The following CCDC88C variants were observed in gnomAD, a reference collection of about 807,000 sequenced individuals.
CCDC88C encodes the protein protein Daple.
Under a neutral mutation model 198.8 loss-of-function variants are expected in CCDC88C, and 131 were observed. The ratio of observed to expected loss-of-function variants is 0.66; its 90% CI spans 0.57 to 0.76. The LOEUF (loss-of-function observed/expected upper bound fraction) is 0.76. CCDC88C is among the 30% of genes least tolerant of loss of function. CCDC88C has a pLI of 0.00. For synonymous variants in CCDC88C, 1,166 were observed against 1,114.7 expected, an observed-to-expected ratio of 1.05 and a Z score of -0.92; for missense variants, 2,553 against 2,631.6, an observed-to-expected ratio of 0.97 and a Z score of 0.65.
In CCDC88C at chr14:91,313,467, C is replaced by G. The variant is rs1891936040; in HGVS notation, c.2349G>C (p.Gln783His). ...QSLESSSHKTQTLESELGELE... is the reference protein window; with the variant it reads ...QSLESSSHKTHTLESELGELE... The stretch of plus-strand genomic sequence containing the variant: ...GCTCGCCCAGCTCACTCTCCAAGGT[C>G]TGCGTCTTGTGGCTGCTGCTCTCCA... Residue 783 changes from glutamine to histidine, a missense_variant, in exon 15 of 30, where the codon CAG becomes CAC. By Grantham distance (24) the Gln-to-His change is conservative. This residue lies in a region of CCDC88C where 1,260 missense variants were observed against 1,412.0 expected (regional missense o/e 0.89). Coordinates refer to ENST00000389857, the MANE Select transcript of CCDC88C (RefSeq NM_001080414.4). This position sits in a 1 kb window ranked among gnomAD's most constrained non-coding sequence, Gnocchi z 5.2. The G allele has an allele frequency of 6.2e-7, 1 of 1,607,738 alleles. No homozygotes were observed. Among genetic ancestry groups the G allele is most frequent in the Non-Finnish European group, 8.5e-7 (1 of 1,179,638 alleles).
chr14:91,386,711 T>C (rs6575190), intron 3 of CCDC88C, among the ~76,000 whole-genome samples: 45,553 of 152,088 alleles, frequency 0.3, 7,192 homozygotes, highest in East Asian at 0.37. Context: ...TTGGACGTGA[T>C]TGTTCAAATG....
intron 3 of CCDC88C, among the ~76,000 whole-genome samples, chr14:91,370,225 C>G (rs1596122467): frequency 6.6e-6 from 1 of 152,326 alleles, no homozygotes; most frequent in Middle Eastern, 3.4e-3. Context: ...CAGGACTCCA[C>G]AGTCTCTAAA....
chr14:91,309,079 A>C (rs1270928856), intron 16 of CCDC88C, among the ~76,000 whole-genome samples: 1 of 152,092 alleles, frequency 6.6e-6, no homozygotes, highest in Non-Finnish European at 1.5e-5. Flanking sequence ...AAATACAAAA[A>C]TTAGCTGGGC....
chr14:91,357,983 G>T (rs1364262590), intron 4 of CCDC88C, among the ~76,000 whole-genome samples: 1 of 152,194 alleles, frequency 6.6e-6, no homozygotes, highest in Non-Finnish European at 1.5e-5. Context: ...CCTCTGCAGG[G>T]TCTCCATGTA....
At position 91,340,347 on chromosome 14, in the gene CCDC88C, A is replaced by G. The variant is rs547715477; in HGVS notation, c.484-323T>C. Among the ~76,000 whole-genome samples, 5 of 152,378 alleles carry G rather than the reference A, an allele frequency of 3.3e-5. No homozygotes were observed. The South Asian group carries it at 1.0e-3, about 32-fold the overall frequency. ...GGAGCTACATCAATGTAGAACACAA[A>G]GAAGGAAAGCTTCAGGGTGAGAGGG... is the stretch of plus-strand genomic sequence containing the variant. On this transcript the variant is annotated intron_variant, in intron 6 of 29. Coordinates refer to ENST00000389857, the MANE Select transcript of CCDC88C (RefSeq NM_001080414.4).
In CCDC88C at chr14:91,381,900, C is replaced by T. The variant is rs1318228357; in HGVS notation, c.271-22189G>A. Among the ~76,000 whole-genome samples the T allele has an allele frequency of 1.3e-5, 2 of 152,172 alleles. No individual in the cohort carries two copies. The highest frequency in any genetic ancestry group is 2.9e-5 in the Non-Finnish European group (2 of 68,020). On this transcript the variant is annotated intron_variant, in intron 3 of 29. Transcript: ENST00000389857. The surrounding 1 kb of genome is among the most constrained non-coding windows in gnomAD (Gnocchi z 4.2). ...TCCTCTCTCCAGTCCGAGCCCACCTCCCTGCCTCCTTCTTGATGCCTTCCA... is the reference window on the plus strand; with the variant it reads ...TCCTCTCTCCAGTCCGAGCCCACCTTCCTGCCTCCTTCTTGATGCCTTCCA...
Position 91,288,002 on chromosome 14 carries a change from C to T in CCDC88C, c.4441+1103G>A, listed in dbSNP as rs1363184419. Among the ~76,000 whole-genome samples, 1 of 152,236 alleles carries T rather than the reference C, an allele frequency of 6.6e-6. No individual in the cohort carries two copies. The highest frequency in any genetic ancestry group is 1.5e-5 in the Non-Finnish European group (1 of 68,042). ...TTAGGAGGCAATTTCAGTGATGTCT[C>T]AGTCACCACTGGCCAGGTGGCCACG... is the stretch of plus-strand genomic sequence containing the variant. On this transcript the variant is annotated intron_variant, in intron 25 of 29. Transcript: ENST00000389857. The surrounding 1 kb of genome is among the most constrained non-coding windows in gnomAD (Gnocchi z 4.2).
chr14:91,345,190 A>ATATATATTTTTTTT (rs1246878587), intron 4 of CCDC88C, among the ~76,000 whole-genome samples: 4 of 52,204 alleles, frequency 7.7e-5, no homozygotes, highest in African/African-American at 2.4e-4. Flanking sequence ...ATATATATAT[A>ATATATATTTTTTTT]TTTTTTTTTT....
At position 91,283,439 on chromosome 14, in the gene CCDC88C, G is replaced by A; in HGVS notation, c.4520C>T (p.Ala1507Val). Residue 1507 changes from alanine (A) to valine (V), a missense_variant, in exon 26 of 30, where the codon GCC (alanine) becomes GTC (valine). Around this residue, in one of 2 missense-constraint regions of CCDC88C, gnomAD observed 1,293 missense variants for 1,219.6 expected, o/e 1.06. Transcript: ENST00000389857. ...LDRTDASTDL[A>V]MRSWPSELGS... ...CAGCTCCGAGGGCCAGGACCTCATG[G>A]CCAGATCGGTGGAGGCATCTGTGCG... 1 of 1,613,506 alleles carries A rather than the reference G, an allele frequency of 6.2e-7. No homozygotes were observed. The highest frequency in any genetic ancestry group is 8.5e-7 in the Non-Finnish European group (1 of 1,179,750).
At chr14:91,290,853 T>C (rs1890631714) in intron 24 of CCDC88C, 142 bp downstream of exon 24, 2 of 616,008 alleles carry the variant, frequency 3.2e-6, no homozygotes. Flanking sequence ...GCTGGAAGGA[T>C]TCTGAACTCT....
intron 26 of CCDC88C, among the ~76,000 whole-genome samples, chr14:91,282,989 G>A (rs1890258867): frequency 6.6e-6 from 1 of 152,220 alleles, no homozygotes; most frequent in African/African-American, 2.4e-5. Context: ...ACCAAGGTAG[G>A]GCAATGGCAG....
At chr14:91,290,733 C>T (rs1389400438) in intron 24 of CCDC88C, among the ~76,000 whole-genome samples, 1 of 152,316 alleles carries the variant, frequency 6.6e-6, no homozygotes. Flanking sequence ...TCCAGGACCA[C>T]GGATGCTCTG....
intron 25 of CCDC88C, among the ~76,000 whole-genome samples, chr14:91,287,490 C>T (rs545460855): frequency 1.2e-4 from 18 of 152,232 alleles, no homozygotes; most frequent in Middle Eastern, 3.4e-3. Context: ...CGTGCCACCA[C>T]ACCTGGCTAA....
chr14:91,373,713 A>G (rs1258105796), intron 3 of CCDC88C, among the ~76,000 whole-genome samples: 1 of 152,206 alleles, frequency 6.6e-6, no homozygotes, highest in African/African-American at 2.4e-5. Flanking sequence ...AGGAAGGTTC[A>G]GAAGTGACAA....
At chr14:91,302,274 A>G (rs1206677156) in intron 20 of CCDC88C, among the ~76,000 whole-genome samples, 2 of 152,216 alleles carry the variant, frequency 1.3e-5, no homozygotes, top group African/African-American at 4.8e-5. Flanking sequence ...AGGCGGCTCC[A>G]AAGGATATAC....
chr14:91,379,097 G>A (rs998940951), intron 3 of CCDC88C: 2 of 152,228 alleles, frequency 1.3e-5, no homozygotes, highest in African/African-American at 4.8e-5. Context: ...ATTCCCACCA[G>A]CAGCTGAGGA....
At chr14:91,377,234 C>T (rs1363879439) in intron 3 of CCDC88C, among the ~76,000 whole-genome samples, 4 of 152,170 alleles carry the variant, frequency 2.6e-5, no homozygotes, top group Admixed American at 6.5e-5. Flanking sequence ...GGGTGCCACG[C>T]GAGCCCTTCC....
chr14:91,344,742 G>A (rs1357436883), intron 4 of CCDC88C, among the ~76,000 whole-genome samples: 2 of 150,522 alleles, frequency 1.3e-5, no homozygotes, highest in African/African-American at 2.4e-5. Flanking sequence ...CTCGTGATCC[G>A]CCCACCTCAG....
At chr14:91,386,300 AAAAAC>A (rs1411185280) in intron 3 of CCDC88C, among the ~76,000 whole-genome samples, 2 of 150,390 alleles carry the variant, frequency 1.3e-5, no homozygotes, top group Non-Finnish European at 3.0e-5. Context: ...AAAAAAAAAA[AAAAAC>A]AAAAACCTAG....
Sources: gnomAD v4.1 joint callset for allele counts (sites outside exome capture counted in the v4.1 genomes callset) on GRCh38, gnomAD v4.1.1 for gene constraint, gnomAD v4.1.1 regional missense constraint, Gnocchi (gnomAD v3.1) non-coding constraint, MANE v1.5 for transcripts, NCBI Gene and HGNC (gene_info 2026-07-23, HGNC 2026-07-21) for gene names.